Variants in LAMA2 observed in about 807,000 individuals in gnomAD.
LAMA2 encodes laminin subunit alpha-2.
LAMA2 carries 269 observed loss-of-function variants against 364.8 expected under a neutral mutation model. That is an observed-to-expected ratio of 0.74 (90% confidence interval 0.67 to 0.82). The LOEUF (loss-of-function observed/expected upper bound fraction) is 0.82, where lower values mean the gene tolerates loss of function less well. LAMA2 is among the 40% of genes least tolerant of loss of function. LAMA2 has a pLI of 0.00. For synonymous variants in LAMA2, 1,379 were observed against 1,370.6 expected, an observed-to-expected ratio of 1.01 and a Z score of -0.14; for missense variants, 3,807 against 3,873.2, an observed-to-expected ratio of 0.98 and a Z score of 0.45.
intron 57 of LAMA2, 55 bp downstream of exon 57, chr6:129,492,132 T>C: frequency 6.5e-7 from 1 of 1,529,892 alleles, no homozygotes; most frequent in South Asian, 1.1e-5. Flanking sequence ...TTCTTGCTAT[T>C]AGGGGTCCCA....
chr6:128,960,771 T>C (rs1021616530), intron 1 of LAMA2, among the ~76,000 whole-genome samples: 2 of 152,230 alleles, frequency 1.3e-5, no homozygotes, highest in Admixed American at 1.3e-4. Context: ...TAATAATTCT[T>C]TTGTGCTTTG....
At chr6:129,032,452 C>T (rs1305732990) in intron 1 of LAMA2, among the ~76,000 whole-genome samples, 1 of 152,152 alleles carries the variant, frequency 6.6e-6, no homozygotes, top group Non-Finnish European at 1.5e-5. Context: ...CGTTAAGGAA[C>T]AGAGATTTCT....
At chr6:129,213,926 C>CA (rs1337636646) in intron 12 of LAMA2, among the ~76,000 whole-genome samples, 1 of 152,072 alleles carries the variant, frequency 6.6e-6, no homozygotes, top group Non-Finnish European at 1.5e-5. Context: ...AGAGTTACTG[C>CA]AAACTCAGGG....
At chr6:129,029,293 C>G (rs1216021864) in intron 1 of LAMA2, among the ~76,000 whole-genome samples, 2 of 151,822 alleles carry the variant, frequency 1.3e-5, no homozygotes, top group Non-Finnish European at 2.9e-5. Flanking sequence ...GCTTTAACTA[C>G]CATGCAATTA....
intron 32 of LAMA2, among the ~76,000 whole-genome samples, chr6:129,355,605 G>T (rs970597742): frequency 6.6e-6 from 1 of 152,166 alleles, no homozygotes; most frequent in Non-Finnish European, 1.5e-5. Flanking sequence ...AGGCCTGGGG[G>T]TGAGAGTAAG....
At chr6:128,959,195 A>G (rs1308800483) in intron 1 of LAMA2, among the ~76,000 whole-genome samples, 1 of 152,196 alleles carries the variant, frequency 6.6e-6, no homozygotes, top group African/African-American at 2.4e-5. Flanking sequence ...TGACAGAATT[A>G]TTAAACTCCC....
At chr6:129,386,810 C>T (rs758245488) in intron 35 of LAMA2, among the ~76,000 whole-genome samples, 16 of 151,946 alleles carry the variant, frequency 1.1e-4, no homozygotes, top group Non-Finnish European at 2.4e-4. Context: ...TACCAAAAAC[C>T]CATTTGAAAG....
intron 51 of LAMA2, among the ~76,000 whole-genome samples, chr6:129,467,147 A>G (rs1783582928): frequency 6.6e-6 from 1 of 151,878 alleles, no homozygotes. Flanking sequence ...TGTGGTATAT[A>G]TACACCACAG....
chr6:129,020,102 G>GAAAAAAAA (rs57907508), intron 1 of LAMA2, among the ~76,000 whole-genome samples: 38 of 134,154 alleles, frequency 2.8e-4, no homozygotes, highest in Non-Finnish European at 3.3e-4. Flanking sequence ...GAAAAAAAAA[G>GAAAAAAAA]AAAAAAAAAA....
At chr6:129,342,862 C>T (rs879510643) in intron 30 of LAMA2, among the ~76,000 whole-genome samples, 14 of 151,930 alleles carry the variant, frequency 9.2e-5, no homozygotes, top group African/African-American at 3.1e-4. Flanking sequence ...TGGCTGTTTC[C>T]ATTTATTTTA....
intron 17 of LAMA2, among the ~76,000 whole-genome samples, 170 bp from the exon 18 acceptor site, chr6:129,279,891 G>A (rs538506225): frequency 2.0e-5 from 3 of 152,150 alleles, no homozygotes; most frequent in South Asian, 4.1e-4. Flanking sequence ...AAATAGCAAT[G>A]TCATTTCATC....
chr6:129,274,935 T>C (rs1274909450), intron 17 of LAMA2, among the ~76,000 whole-genome samples: 1 of 152,056 alleles, frequency 6.6e-6, no homozygotes, highest in African/African-American at 2.4e-5. Context: ...GAAGTTGTTA[T>C]AGATTTTCAT....
At chr6:128,905,829 C>T (rs1245633094) in intron 1 of LAMA2, among the ~76,000 whole-genome samples, 3 of 151,842 alleles carry the variant, frequency 2.0e-5, no homozygotes, top group Non-Finnish European at 4.4e-5. Flanking sequence ...GTTCCCCTTC[C>T]TGTGTCCATG....
At chr6:129,052,135 C>CT (rs34305119) in intron 2 of LAMA2, among the ~76,000 whole-genome samples, 2,414 of 127,390 alleles carry the variant, frequency 0.019, 32 homozygotes, top group African/African-American at 0.027. Context: ...ATTTCTTCTC[C>CT]TTTTTTTTTT....
rs200111194 is a variant in LAMA2, at chr6:129,054,564, TAGAG to T, written c.283+4480_283+4483del. On this transcript the variant is annotated intron_variant, in intron 2 of 64. Transcript: ENST00000421865. Reference sequence around the variant, plus strand: ...GATGGACTGTGCAGACAGGGAGAATTAGAGAGATAAAATATGTAAAACCATAAGT... The same window carrying T: ...GATGGACTGTGCAGACAGGGAGAATTAGATAAAATATGTAAAACCATAAGT... Among the ~76,000 whole-genome samples the T allele has an allele frequency of 6.2e-3, 940 of 151,830 alleles. 13 individuals are homozygous for T. The highest frequency in any genetic ancestry group is 0.022 in the African/African-American group (906 of 41,422).
intron 4 of LAMA2, among the ~76,000 whole-genome samples, chr6:129,107,784 G>A (rs971619808): frequency 2.0e-5 from 3 of 152,108 alleles, no homozygotes; most frequent in Non-Finnish European, 2.9e-5. Context: ...GGGTTCCACA[G>A]CTAGTAATTT....
intron 1 of LAMA2, among the ~76,000 whole-genome samples, chr6:129,048,679 A>T (rs910977816): frequency 6.8e-6 from 1 of 147,726 alleles, no homozygotes; most frequent in Non-Finnish European, 1.5e-5. Flanking sequence ...CAGTGATGTG[A>T]TCTCAGCTCA....
At chr6:129,120,234 A>T (rs1776728604) in intron 4 of LAMA2, among the ~76,000 whole-genome samples, 1 of 152,258 alleles carries the variant, frequency 6.6e-6, no homozygotes, top group Non-Finnish European at 1.5e-5. Flanking sequence ...TGAGTCATCA[A>T]CACAATAAGA....
intron 37 of LAMA2, among the ~76,000 whole-genome samples, chr6:129,397,935 T>C (rs1194744855): frequency 3.1e-5 from 2 of 64,960 alleles, no homozygotes; most frequent in Non-Finnish European, 6.0e-5. Flanking sequence ...AGACTCCGTC[T>C]CAGAAAAAAA....
Sources: allele counts gnomAD v4.1 joint callset (sites outside exome capture counted in the v4.1 genomes callset), GRCh38; gene constraint gnomAD v4.1.1; transcripts MANE v1.5; gene names NCBI Gene and HGNC (gene_info 2026-07-23, HGNC 2026-07-21).